RGS6: variants seen among roughly 807,000 people sequenced by gnomAD.
RGS6 encodes regulator of G protein signaling 6, also known as regulator of G-protein signaling 6.
Under a neutral mutation model 78.5 loss-of-function variants are expected in RGS6, and 30 were observed. That is an observed-to-expected ratio of 0.38 (90% CI 0.29 to 0.52). The LOEUF is 0.52. Ranked by LOEUF, RGS6 falls within the 20% of genes least tolerant of loss-of-function variation. The pLI is 0.85. For synonymous variants in RGS6, 206 were observed against 206.0 expected, an observed-to-expected ratio of 1.00 and a Z score of 0.00; for missense variants, 495 against 609.7, an observed-to-expected ratio of 0.81 and a Z score of 1.98.
rs561689415 is a variant in RGS6, at chr14:72,537,121, C to A, written c.1368+846C>A. 1.7e-4 allele frequency among the ~76,000 whole-genome samples: 26 copies of A among 152,306 alleles called. No individual in the cohort carries two copies. In the East Asian group the frequency reaches 4.8e-3, roughly 28 times the overall value. The stretch of plus-strand genomic sequence containing the variant: ...ACCCTCTGTGCTTTTCAGCTCTGAT[C>A]TGAGGCCCATGTGTGGTTAAGTGTG... On this transcript the variant is annotated intron_variant, in intron 16 of 17. Coordinates refer to ENST00000553525, the MANE Select transcript of RGS6 (RefSeq NM_001204424.2).
chr14:72,189,822 A>G (rs2097299844), intron 2 of RGS6, among the ~76,000 whole-genome samples: 1 of 152,104 alleles, frequency 6.6e-6, no homozygotes, highest in Admixed American at 6.6e-5. Flanking sequence ...CACGCATAAG[A>G]TTCAGGTCCA....
chr14:72,396,413 A>T (rs1265790145), intron 3 of RGS6, among the ~76,000 whole-genome samples: 1 of 151,920 alleles, frequency 6.6e-6, no homozygotes, highest in Non-Finnish European at 1.5e-5. Context: ...AATTTGTTGG[A>T]GTTCATTGTA....
rs28661684 is a variant in RGS6 at position 72,389,201 on chromosome 14, C to T, written c.184+37007C>T. 4.8e-3 allele frequency among the ~76,000 whole-genome samples: 724 copies of T among 152,190 alleles called. 3 individuals carry two copies. The highest frequency in any genetic ancestry group is 0.016 in the African/African-American group (671 of 41,512). On this transcript the variant is annotated intron_variant, in intron 3 of 17. Transcript: ENST00000553525. ...CCTGTATTTCCCTTGAGAAGTGGAGCGGTGCTAATTGTCCCTGTCCCGGAT... is the reference window on the plus strand; with the variant it reads ...CCTGTATTTCCCTTGAGAAGTGGAGTGGTGCTAATTGTCCCTGTCCCGGAT...
intron 2 of RGS6, among the ~76,000 whole-genome samples, chr14:71,996,946 A>AG (rs2095228317): frequency 1.3e-5 from 2 of 152,138 alleles, no homozygotes; most frequent in Non-Finnish European, 2.9e-5. Flanking sequence ...GCAGAGCTGA[A>AG]TGGTGAGAAT....
intron 2 of RGS6, among the ~76,000 whole-genome samples, chr14:72,202,912 G>A (rs929713208): frequency 4.0e-5 from 6 of 151,812 alleles, no homozygotes; most frequent in Admixed American, 6.6e-5. Flanking sequence ...TCGCTCTGTC[G>A]CCCAGGCTGG....
At chr14:72,059,332 C>T (rs543445667) in intron 2 of RGS6, among the ~76,000 whole-genome samples, 1 of 152,242 alleles carries the variant, frequency 6.6e-6, no homozygotes, top group Admixed American at 6.5e-5. Context: ...TAAAAGTTCT[C>T]CTAATGCAAT....
intron 2 of RGS6, among the ~76,000 whole-genome samples, chr14:72,093,684 C>G (rs1043186446): frequency 2.0e-5 from 3 of 152,178 alleles, no homozygotes; most frequent in Non-Finnish European, 2.9e-5. Flanking sequence ...TGAATCCCCT[C>G]TCTTGTTGAT....
intron 2 of RGS6, among the ~76,000 whole-genome samples, chr14:72,175,716 G>T (rs1325215797): frequency 6.6e-6 from 1 of 152,202 alleles, no homozygotes; most frequent in Non-Finnish European, 1.5e-5. Flanking sequence ...TGGGGACTGC[G>T]TTGAGTGTCA....
chr14:72,233,864 G>C (rs565781282), intron 2 of RGS6, among the ~76,000 whole-genome samples: 48 of 152,280 alleles, frequency 3.2e-4, no homozygotes, highest in African/African-American at 1.1e-3. Context: ...TCGAGAGCAA[G>C]CCATGGCTTC....
rs567887310 is a variant in RGS6, at chr14:71,960,995, C to T, written c.-20-3777C>T. 3.9e-5 allele frequency among the ~76,000 whole-genome samples: 6 copies of T among 152,254 alleles called. No individual in the cohort carries two copies. The East Asian group carries it at 1.2e-3, about 29-fold the overall frequency. ...TCTGTGTCTGACTTATCTGTATATC[C>T]CCAGGGCCTAGCATGGAACCTTACA... On this transcript the variant is annotated intron_variant, in intron 1 of 17. Transcript: ENST00000553525.
chr14:72,604,175 A>C, the RGS6 span, among the ~76,000 whole-genome samples: 1 of 152,176 alleles, frequency 6.6e-6, no homozygotes, highest in African/African-American at 2.4e-5. Context: ...TCATGTGGCA[A>C]CTAGGCTCCA....
chr14:72,610,797 G>A, the RGS6 span, among the ~76,000 whole-genome samples: 5 of 152,186 alleles, frequency 3.3e-5, no homozygotes, highest in East Asian at 3.9e-4. Flanking sequence ...GGGACCTGAG[G>A]GCTCAGGGCC....
At chr14:72,446,542 G>A (rs996625672) in intron 3 of RGS6, among the ~76,000 whole-genome samples, 1 of 152,218 alleles carries the variant, frequency 6.6e-6, no homozygotes, top group Admixed American at 6.5e-5. Context: ...TGGCACCAGG[G>A]ACCAGTTTCA....
the RGS6 span, among the ~76,000 whole-genome samples, chr14:71,895,899 G>A: frequency 6.6e-6 from 1 of 151,932 alleles, no homozygotes; most frequent in African/African-American, 2.4e-5. Context: ...CAGAGAGAGC[G>A]AGGAGATGCA....
At chr14:72,540,948 ACT>A in intron 17 of RGS6, 1 of 1,223,644 alleles carries the variant, frequency 8.2e-7, no homozygotes, top group Non-Finnish European at 1.0e-6. Context: ...CATGGCTGAG[ACT>A]CTCTACCATG....
At chr14:72,028,008 C>T (rs1376276950) in intron 2 of RGS6, among the ~76,000 whole-genome samples, 4 of 152,150 alleles carry the variant, frequency 2.6e-5, no homozygotes, top group East Asian at 1.9e-4. Flanking sequence ...TGGGGACTGC[C>T]GCTGTGCTGG....
intron 2 of RGS6, among the ~76,000 whole-genome samples, chr14:72,268,040 T>C (rs1214691717): frequency 1.3e-5 from 2 of 152,256 alleles, no homozygotes; most frequent in Admixed American, 6.5e-5. Flanking sequence ...TACTTTCAGG[T>C]GCCTTCATGT....
chr14:72,243,486 T>C (rs1823087055), intron 2 of RGS6, among the ~76,000 whole-genome samples: 2 of 151,324 alleles, frequency 1.3e-5, no homozygotes, highest in South Asian at 2.1e-4. Flanking sequence ...TCATTATACA[T>C]GACAATGCAA....
At chr14:72,579,216 T>TTGG in the RGS6 span, among the ~76,000 whole-genome samples, 1 of 146,030 alleles carries the variant, frequency 6.8e-6, no homozygotes. Context: ...CCACAAGGAA[T>TTGG]CGGAGAACAA....
Sources: allele counts gnomAD v4.1 joint callset (sites outside exome capture counted in the v4.1 genomes callset), GRCh38; gene constraint gnomAD v4.1.1; transcripts MANE v1.5; gene names NCBI Gene and HGNC (gene_info 2026-07-23, HGNC 2026-07-21).